IRAK3: variants seen among roughly 807,000 people sequenced by gnomAD.
IRAK3 encodes the protein interleukin-1 receptor-associated kinase 3.
A neutral mutation model predicts 56.6 loss-of-function variants in IRAK3; 57 were observed. The observed-to-expected ratio is 1.01, with a 90% CI of 0.81 to 1.26. IRAK3 has a LOEUF of 1.26. IRAK3 is among the 50% of genes most tolerant of loss of function. The probability of loss-of-function intolerance (pLI) is 0.00; values close to 1 mark genes in which losing one functional copy is unlikely to be tolerated. For missense variants in IRAK3, 703 were observed against 719.0 expected (o/e 0.98, Z 0.25); for synonymous variants, 258 against 255.7 (o/e 1.01, Z -0.09).
intron 1 of IRAK3, chr12:66,198,015 A>G (rs2052471364): frequency 7.1e-6 from 7 of 985,294 alleles, no homozygotes; most frequent in Non-Finnish European, 8.4e-6. Flanking sequence ...CTTAATAGCT[A>G]TAAACTGTGC....
At chr12:66,207,216 A>G (rs746675112) in intron 2 of IRAK3, among the ~76,000 whole-genome samples, 9 of 152,212 alleles carry the variant, frequency 5.9e-5, no homozygotes, top group Non-Finnish European at 5.9e-5. Flanking sequence ...CAAGCCTGTA[A>G]TCCTGGCACT....
chr12:66,219,547 T>A (rs753114106), intron 6 of IRAK3, among the ~76,000 whole-genome samples: 4 of 152,228 alleles, frequency 2.6e-5, no homozygotes, highest in Non-Finnish European at 5.9e-5. Context: ...TATGTCTTTA[T>A]CAGCAGCATG....
chr12:66,234,287 A>C (rs1238848516), intron 8 of IRAK3: 6 of 1,612,816 alleles, frequency 3.7e-6, no homozygotes, highest in Non-Finnish European at 5.1e-6. Flanking sequence ...AGGGCTGATC[A>C]TTGATGCGGG....
chr12:66,234,058 C>G lies in IRAK3; in HGVS notation c.887+5688C>G, dbSNP rs2052875522. On this transcript the variant is annotated intron_variant, in intron 8 of 11. Transcript: ENST00000261233. ...CCCTTCTTCATGTAAGAACACCTTT[C>G]TGTACATCTCACAGTTACTTATTAG... is the stretch of plus-strand genomic sequence containing the variant. The G allele has an allele frequency of 3.1e-6, 5 of 1,613,228 alleles. No individual in the cohort carries two copies. The South Asian group carries it at 5.5e-5, about 18-fold the overall frequency.
At chr12:66,234,733 C>T in intron 8 of IRAK3, 1 of 1,597,566 alleles carries the variant, frequency 6.3e-7, no homozygotes, top group African/African-American at 1.3e-5. Flanking sequence ...TTGATTCCGT[C>T]CTAGCAAAGC....
At chr12:66,218,273 A>T (rs538502987) in intron 6 of IRAK3, among the ~76,000 whole-genome samples, 20 of 152,312 alleles carry the variant, frequency 1.3e-4, no homozygotes, top group African/African-American at 4.8e-4. Flanking sequence ...TTATTTTCAT[A>T]TTCTATTATA....
chr12:66,233,863 G>T (rs1470772361), intron 8 of IRAK3, among the ~76,000 whole-genome samples: 1 of 150,646 alleles, frequency 6.6e-6, no homozygotes, highest in African/African-American at 2.4e-5. Flanking sequence ...CTGTTCGGGG[G>T]AACAGCTACT....
At chr12:66,223,628 C>T (rs2052757392) in intron 6 of IRAK3, among the ~76,000 whole-genome samples, 1 of 149,658 alleles carries the variant, frequency 6.7e-6, no homozygotes, top group Admixed American at 6.6e-5. Flanking sequence ...CACTGCACTC[C>T]AGCCTGGGCA....
intron 6 of IRAK3, among the ~76,000 whole-genome samples, chr12:66,218,557 C>G (rs1168640): frequency 0.045 from 6,863 of 152,180 alleles, 272 homozygotes; most frequent in Non-Finnish European, 0.072. Context: ...TTGTTGCCAA[C>G]CTAGTATTTA....
intron 7 of IRAK3, 108 bp from the exon 8 acceptor site, chr12:66,228,144 C>T (rs373206210): frequency 1.2e-6 from 1 of 851,088 alleles, no homozygotes. Context: ...TCACCCACCT[C>T]ACCCCACCTT....
rs558926435 is a variant in IRAK3, at chr12:66,245,814, A to C, written c.1314+552A>C. Among the ~76,000 whole-genome samples the C allele has an allele frequency of 3.3e-5, 5 of 152,130 alleles. No homozygotes were observed. In the South Asian group the frequency reaches 8.3e-4, roughly 25 times the overall value. On this transcript the variant is annotated intron_variant, in intron 11 of 11. Coordinates refer to ENST00000261233, the MANE Select transcript of IRAK3 (RefSeq NM_007199.3). Reference sequence around the variant, plus strand: ...CCCAAAGTGTTCAGTCTTCATTAAGAGATCTGGCTCATTATAAATGCAGCA... The same window carrying C: ...CCCAAAGTGTTCAGTCTTCATTAAGCGATCTGGCTCATTATAAATGCAGCA...
At chr12:66,206,647 C>G (rs759588239) in intron 2 of IRAK3, among the ~76,000 whole-genome samples, 1 of 152,122 alleles carries the variant, frequency 6.6e-6, no homozygotes, top group Non-Finnish European at 1.5e-5. Context: ...ATTTTTGCAT[C>G]TATATTTGTA....
chr12:66,189,933 A>G (rs2052383764), intron 1 of IRAK3, among the ~76,000 whole-genome samples: 1 of 152,184 alleles, frequency 6.6e-6, no homozygotes, highest in African/African-American at 2.4e-5. Context: ...TAATTTTCTT[A>G]ATTAAATCTT....
At position 66,189,321 on chromosome 12, in the gene IRAK3, C is replaced by T. The variant is rs1485916109; in HGVS notation, c.22C>T (p.Arg8Cys). The T allele has an allele frequency of 6.5e-7, 1 of 1,533,796 alleles. No homozygotes were observed. The highest frequency in any genetic ancestry group is 8.7e-7 in the Non-Finnish European group (1 of 1,146,314). The change falls in exon 1 of 12, where the codon CGC becomes TGC. Residue 8 changes from arginine to cysteine, a missense_variant. Physicochemically the swap from Arg to Cys is radical, Grantham distance 180. Coordinates refer to ENST00000261233, the MANE Select transcript of IRAK3 (RefSeq NM_007199.3). MAGNCGA[R>C]GALSAHTLLF... ...AGCCATGGCGGGGAACTGTGGGGCC[C>T]GCGGCGCGCTGTCGGCGCACACGCT...
chr12:66,244,937 A>G lies in IRAK3; in HGVS notation c.1087-11A>G. ...AAGATATATAGCTGACTTTCTATAT[A>G]TTCCTTGTAGGTAATAATGGAAGTT... On this transcript the variant is annotated splice_polypyrimidine_tract_variant and intron_variant, in intron 9 of 11. Coordinates refer to ENST00000261233, the MANE Select transcript of IRAK3 (RefSeq NM_007199.3). The G allele has an allele frequency of 6.3e-7, 1 of 1,596,054 alleles. No homozygotes were observed.
At chr12:66,201,357 C>A (rs560106826) in intron 1 of IRAK3, among the ~76,000 whole-genome samples, 104 of 152,206 alleles carry the variant, frequency 6.8e-4, no homozygotes, top group African/African-American at 2.4e-3. Flanking sequence ...GTCAGGGGTC[C>A]CCCGTGACCA....
chr12:66,211,625 A>G (rs770385824), intron 5 of IRAK3, 28 bp downstream of exon 5: 2 of 1,566,302 alleles, frequency 1.3e-6, no homozygotes, highest in Non-Finnish European at 1.8e-6. Flanking sequence ...GTCACAGGAC[A>G]TCAGTTCCAC....
intron 8 of IRAK3, chr12:66,235,237 C>T: frequency 1.2e-6 from 2 of 1,603,778 alleles, no homozygotes; most frequent in Non-Finnish European, 1.7e-6. Context: ...GATAGGGCGT[C>T]CGGCAGTTGC....
chr12:66,240,548 A>G (rs2052956847), intron 8 of IRAK3, among the ~76,000 whole-genome samples: 1 of 152,100 alleles, frequency 6.6e-6, no homozygotes, highest in African/African-American at 2.4e-5. Flanking sequence ...TCTAGGAGAA[A>G]CTGAGTCTTG....
Sources: gnomAD v4.1 joint callset for allele counts (sites outside exome capture counted in the v4.1 genomes callset) on GRCh38, gnomAD v4.1.1 for gene constraint, MANE v1.5 for transcripts, NCBI Gene and HGNC (gene_info 2026-07-23, HGNC 2026-07-21) for gene names.